Variants in DDI2 observed in about 807,000 individuals in gnomAD.
DDI2 encodes the protein protein DDI1 homolog 2.
DDI2 carries 5 observed loss-of-function variants against 48.1 expected under a neutral mutation model. The ratio of observed to expected loss-of-function variants is 0.10; its 90% CI spans 0.05 to 0.22. DDI2 has a LOEUF of 0.22. Ranked by LOEUF, DDI2 falls within the 10% of genes least tolerant of loss-of-function variation. DDI2 has a pLI of 1.00. For missense variants in DDI2, 285 were observed against 506.2 expected, an observed-to-expected ratio of 0.56 and a Z score of 4.19; for synonymous variants, 205 against 183.6, an observed-to-expected ratio of 1.12 and a Z score of -0.94.
intron 1 of DDI2, among the ~76,000 whole-genome samples, chr1:15,621,591 G>C (rs1461496930): frequency 6.6e-6 from 1 of 152,006 alleles, no homozygotes; most frequent in African/African-American, 2.4e-5. Flanking sequence ...TCACTGTGTT[G>C]GCCACGCTGG....
rs747603146 is a variant in DDI2 at position 15,668,694 on chromosome 1, A to G, written c.*8904A>G. ...TAAGCTTTGAGACTACTGCATCTTA[A>G]AAGAAGAACTAGGCTGACTGGCAAA... On this transcript the variant is annotated 3_prime_UTR_variant, in exon 10 of 10. Transcript: ENST00000480945. The G allele has an allele frequency of 8.5e-5, 13 of 152,182 alleles. No individual in the cohort carries two copies. The highest frequency in any genetic ancestry group is 1.8e-4 in the Non-Finnish European group (12 of 68,038). 9.4% of individuals were successfully genotyped at this position (152,182 alleles called of 1,614,324 possible). A position where few individuals can be genotyped will look rare whatever the true frequency, so the allele number is the denominator to read the frequency against.
chr1:15,653,702 G>A (rs1179825260), intron 8 of DDI2, among the ~76,000 whole-genome samples: 1 of 151,900 alleles, frequency 6.6e-6, no homozygotes, highest in Non-Finnish European at 1.5e-5. Flanking sequence ...TTGCCATGTT[G>A]CCCAGGCTGG....
At position 15,630,412 on chromosome 1, in the gene DDI2, A is replaced by C; in HGVS notation, c.356A>C (p.His119Pro). Residue 119 changes from histidine to proline, a missense_variant, in exon 3 of 10, where the codon CAC (histidine) becomes CCC (proline). By Grantham distance (77) the His-to-Pro change is moderately conservative (BLOSUM62 -2). Around this residue, in one of 3 missense-constraint regions of DDI2, gnomAD observed 149 missense variants for 236.5 expected, o/e 0.63. Coordinates refer to ENST00000480945, the MANE Select transcript of DDI2 (RefSeq NM_032341.5). ...CAGCCACCAGGAACACAGCAGTCCCACTCATCTCCTGGAGAAATAACTTCA... is the reference window on the plus strand; with the variant it reads ...CAGCCACCAGGAACACAGCAGTCCCCCTCATCTCCTGGAGAAATAACTTCA... Reference protein sequence around the residue: ...QRQPPGTQQSHSSPGEITSSP... With the variant: ...QRQPPGTQQSPSSPGEITSSP... 4 of 1,614,156 alleles carry C rather than the reference A, an allele frequency of 2.5e-6. No individual in the cohort carries two copies. The highest frequency in any genetic ancestry group is 3.4e-6 in the Non-Finnish European group (4 of 1,180,026).
chr1:15,628,254 T>C lies in DDI2; in HGVS notation c.268+1456T>C, dbSNP rs185979593. The stretch of plus-strand genomic sequence containing the variant: ...AAGAGGGCCCACCCATATATGTTTT[T>C]CTGGCTGGTATAGATTAACTACCTC... On this transcript the variant is annotated intron_variant, in intron 2 of 9. Transcript: ENST00000480945. Among the ~76,000 whole-genome samples the C allele has an allele frequency of 5.0e-3, 762 of 152,314 alleles. 2 individuals carry two copies. Among genetic ancestry groups the C allele is most frequent in the Middle Eastern group, 0.014 (4 of 294 alleles).
intron 5 of DDI2, among the ~76,000 whole-genome samples, chr1:15,640,358 TAGATATAG>T (rs1165602178): frequency 3.9e-5 from 6 of 152,216 alleles, no homozygotes; most frequent in Admixed American, 2.0e-4. Context: ...TAAGAAAACT[TAGATATAG>T]AGAGGTCACA....
Position 15,665,275 on chromosome 1 carries a change from A to G in DDI2, c.*5485A>G, listed in dbSNP as rs916985967. On this transcript the variant is annotated 3_prime_UTR_variant, in exon 10 of 10. Coordinates refer to ENST00000480945, the MANE Select transcript of DDI2 (RefSeq NM_032341.5). ...AAAACTCTGTCTCAAAAAAAAAAAA[A>G]AAAAAGGTAACCAGTTGCTTGGCAA... 6.5e-6 allele frequency: 1 copy of G among 154,788 alleles called. No individual in the cohort carries two copies. The highest frequency in any genetic ancestry group is 1.4e-5 in the Non-Finnish European group (1 of 70,408). The allele number at this position is 154,788 out of a possible 1,614,324, so 9.6% of individuals were successfully genotyped here. A position where few individuals can be genotyped will look rare whatever the true frequency, so the allele number is the denominator to read the frequency against.
chr1:15,618,327 C>T (rs1028022951), intron 1 of DDI2, among the ~76,000 whole-genome samples: 7 of 149,658 alleles, frequency 4.7e-5, no homozygotes, highest in Non-Finnish European at 1.0e-4. Context: ...CAGATTTGCA[C>T]TTCCGGTGAA....
intron 1 of DDI2, among the ~76,000 whole-genome samples, chr1:15,624,798 A>G (rs1458163035): frequency 6.6e-6 from 1 of 152,132 alleles, no homozygotes. Context: ...TTTTTTCACA[A>G]AAGAAAATTT....
intron 8 of DDI2, among the ~76,000 whole-genome samples, 162 bp downstream of exon 8, chr1:15,652,057 C>CGTTTTTTTTTTTTTTTTTTTTTTTTT (rs1640192855): frequency 8.4e-6 from 1 of 119,130 alleles, no homozygotes; most frequent in African/African-American, 4.7e-5. Flanking sequence ...CTTTGATCTT[C>CGTTTTTTTTTTTTTTTTTTTTTTTTT]CTTTTTTTTT....
At position 15,667,204 on chromosome 1, in the gene DDI2, CA is replaced by C. The variant is rs1553155873; in HGVS notation, c.*7428del. The C allele has an allele frequency of 3.3e-4, 41 of 125,322 alleles. No individual in the cohort carries two copies. The highest frequency in any genetic ancestry group is 6.2e-4 in the East Asian group (3 of 4,842). 7.8% of individuals were successfully genotyped at this position (125,322 alleles called of 1,614,324 possible). ...CCTGGGCAAGAGTGAGACACCGTCT[CA>C]AAAAAAAAAAAAATTTTTTTTTAAA... On this transcript the variant is annotated 3_prime_UTR_variant, in exon 10 of 10. Coordinates refer to ENST00000480945, the MANE Select transcript of DDI2 (RefSeq NM_032341.5).
intron 3 of DDI2, 41 bp downstream of exon 3, chr1:15,630,602 G>GT (rs1431508875): frequency 7.2e-7 from 1 of 1,381,106 alleles, no homozygotes; most frequent in Non-Finnish European, 1.0e-6. Flanking sequence ...CTGGCCTGAG[G>GT]TGAAGAAGCT....
chr1:15,638,818 A>G (rs1241693350), intron 5 of DDI2, among the ~76,000 whole-genome samples: 1 of 152,132 alleles, frequency 6.6e-6, no homozygotes, highest in Non-Finnish European at 1.5e-5. Context: ...TTAGGCTGCT[A>G]ACTCACTAGC....
chr1:15,638,908 A>G (rs541556109), intron 5 of DDI2, among the ~76,000 whole-genome samples: 1 of 152,084 alleles, frequency 6.6e-6, no homozygotes, highest in African/African-American at 2.4e-5. Context: ...CCAGTTTTGT[A>G]TTTTGTGGTG....
At position 15,665,700 on chromosome 1, in the gene DDI2, G is replaced by A. The variant is rs1024228866; in HGVS notation, c.*5910G>A. The A allele has an allele frequency of 5.3e-5, 8 of 152,068 alleles. No homozygotes were observed. Among genetic ancestry groups the A allele is most frequent in the Non-Finnish European group, 1.2e-4 (8 of 68,034 alleles). The allele number at this position is 152,068 out of a possible 1,614,324, so 9.4% of individuals were successfully genotyped here. ...TACAGACGTACTCTTCACTTATGGT[G>A]GCTTTTATCCCGCCACATATATAAA... On this transcript the variant is annotated 3_prime_UTR_variant, in exon 10 of 10. Transcript: ENST00000480945.
In DDI2 at chr1:15,660,823, A is replaced by G. The variant is rs773053376; in HGVS notation, c.*1033A>G. 6.2e-7 allele frequency: 1 copy of G among 1,614,204 alleles called. No homozygotes were observed. The highest frequency in any genetic ancestry group is 8.5e-7 in the Non-Finnish European group (1 of 1,180,032). On this transcript the variant is annotated 3_prime_UTR_variant, in exon 10 of 10. Coordinates refer to ENST00000480945, the MANE Select transcript of DDI2 (RefSeq NM_032341.5). ...ACAGCCCCCAGAAACTAATGTTGAA[A>G]TACCTGGAACAAATAAAGAATATGG...
intron 3 of DDI2, among the ~76,000 whole-genome samples, chr1:15,631,509 C>T (rs1302933668): frequency 6.6e-6 from 1 of 152,208 alleles, no homozygotes; most frequent in African/African-American, 2.4e-5. Context: ...AGTCTAAAAA[C>T]ATAACAGACA....
At chr1:15,651,933 G>A (rs947566848) in intron 8 of DDI2, 38 bp downstream of exon 8, 4 of 1,590,618 alleles carry the variant, frequency 2.5e-6, no homozygotes, top group African/African-American at 2.7e-5. Context: ...ACTTGTTATT[G>A]ATGGGTAAGC....
At chr1:15,618,712 G>A (rs570596195) in intron 1 of DDI2, among the ~76,000 whole-genome samples, 1 of 152,290 alleles carries the variant, frequency 6.6e-6, no homozygotes, top group South Asian at 2.1e-4. Flanking sequence ...TTATCAAACA[G>A]AATCGGTGAC....
chr1:15,661,766 AAAG>A lies in DDI2; in HGVS notation c.*1979_*1981del, dbSNP rs746898307. ...GACCGTTCTCCATTCCCTTTAAACA[AAAG>A]AAAGCTCTCTCTATATACACGCACA... On this transcript the variant is annotated 3_prime_UTR_variant, in exon 10 of 10. Transcript: ENST00000480945. The A allele has an allele frequency of 1.1e-5, 17 of 1,547,704 alleles. No individual in the cohort carries two copies. In the South Asian group the frequency reaches 2.0e-4, roughly 18 times the overall value.
Sources: allele counts gnomAD v4.1 joint callset (sites outside exome capture counted in the v4.1 genomes callset), GRCh38; gene constraint gnomAD v4.1.1; regional missense constraint gnomAD v4.1.1; transcripts MANE v1.5; gene names NCBI Gene and HGNC (gene_info 2026-07-23, HGNC 2026-07-21).